The following BCL2L14 variants were observed in gnomAD, a reference collection of about 807,000 sequenced individuals.
The protein encoded by BCL2L14 is BCL2 like 14.
BCL2L14 carries 27 observed loss-of-function variants against 35.3 expected under a neutral mutation model. That is an observed-to-expected ratio of 0.76 (90% CI 0.56 to 1.05). BCL2L14 has a LOEUF of 1.05. BCL2L14 is among the 50% of genes least tolerant of loss of function. The probability of loss-of-function intolerance (pLI) is 0.00; values close to 1 mark genes in which losing one functional copy is unlikely to be tolerated. For synonymous variants in BCL2L14, 139 were observed against 145.9 expected, an observed-to-expected ratio of 0.95 and a Z score of 0.34; for missense variants, 377 against 382.6, an observed-to-expected ratio of 0.99 and a Z score of 0.12.
chr12:12,094,488 A>C, intron 4 of BCL2L14, 176 bp from the exon 5 acceptor site: 3 of 1,586,854 alleles, frequency 1.9e-6, no homozygotes, highest in Non-Finnish European at 2.6e-6. Context: ...ACCGAGCAGT[A>C]CATGCCCATT....
chr12:12,068,116 T>C (rs892308449), upstream of BCL2L14: 7 of 397,958 alleles, frequency 1.8e-5, no homozygotes, highest in African/African-American at 4.1e-5. Flanking sequence ...GCTAACTTTT[T>C]ATTTTTTTGT....
Position 12,087,404 on chromosome 12 carries a change from G to A in BCL2L14, c.607+18G>A, listed in dbSNP as rs777329005. 1 of 1,612,100 alleles carries A rather than the reference G, an allele frequency of 6.2e-7. No individual in the cohort carries two copies. Among genetic ancestry groups the A allele is most frequent in the Non-Finnish European group, 8.5e-7 (1 of 1,178,984 alleles). Reference sequence around the variant, plus strand: ...TAAGAAAGGTAAGCTTTCCTTCCCTGGGTGGAGTGTTTGCCAGGCAGGGGC... The same window carrying A: ...TAAGAAAGGTAAGCTTTCCTTCCCTAGGTGGAGTGTTTGCCAGGCAGGGGC... On this transcript the variant is annotated intron_variant, in intron 3 of 5. Coordinates refer to ENST00000308721, the MANE Select transcript of BCL2L14 (RefSeq NM_138723.2).
At chr12:12,078,885 C>T (rs1469398225) in intron 1 of BCL2L14, among the ~76,000 whole-genome samples, 1 of 152,246 alleles carries the variant, frequency 6.6e-6, no homozygotes, top group Non-Finnish European at 1.5e-5. Context: ...CAACCCCCGA[C>T]TCCTGGGTTC....
intron 2 of BCL2L14, among the ~76,000 whole-genome samples, chr12:12,055,937 G>A (rs1266090801): frequency 6.6e-6 from 1 of 152,046 alleles, no homozygotes; most frequent in African/African-American, 2.4e-5. Context: ...CCTTGGGCAT[G>A]CCCCCACCCC....
intron 1 of BCL2L14, among the ~76,000 whole-genome samples, chr12:12,050,604 T>C (rs923646652): frequency 1.3e-5 from 2 of 150,214 alleles, no homozygotes; most frequent in African/African-American, 4.9e-5. Flanking sequence ...GAACCCAAAT[T>C]GAAAAGGAAC....
At chr12:12,097,824 T>C (rs1041501637) in intron 5 of BCL2L14, among the ~76,000 whole-genome samples, 14 of 151,882 alleles carry the variant, frequency 9.2e-5, no homozygotes, top group African/African-American at 3.4e-4. Flanking sequence ...AAAAAAAAGA[T>C]GAATTATTCA....
intron 1 of BCL2L14, among the ~76,000 whole-genome samples, chr12:12,050,498 C>G (rs974679830): frequency 5.4e-5 from 8 of 148,156 alleles, no homozygotes; most frequent in Non-Finnish European, 1.5e-5. Flanking sequence ...TATGGAAAAC[C>G]AGATCCTAAG....
chr12:12,087,466 G>C, intron 3 of BCL2L14, 80 bp downstream of exon 3: 1 of 1,483,882 alleles, frequency 6.7e-7, no homozygotes, highest in Non-Finnish European at 9.2e-7. Context: ...CCCAGGGCTC[G>C]GCAACTTGAC....
intron 2 of BCL2L14, among the ~76,000 whole-genome samples, chr12:12,057,641 C>A (rs1355987577): frequency 6.6e-6 from 1 of 151,744 alleles, no homozygotes; most frequent in African/African-American, 2.4e-5. Flanking sequence ...CCTGTAATCC[C>A]AGCTACTAGG....
chr12:12,085,315 C>G (rs1183595440), intron 2 of BCL2L14, among the ~76,000 whole-genome samples: 1 of 152,158 alleles, frequency 6.6e-6, no homozygotes, highest in East Asian at 1.9e-4. Context: ...GAAAAGGCAG[C>G]AGAGGCCTGC....
chr12:12,057,856 A>C (rs1948455691), intron 2 of BCL2L14, among the ~76,000 whole-genome samples: 1 of 145,272 alleles, frequency 6.9e-6, no homozygotes, highest in African/African-American at 2.6e-5. Flanking sequence ...ATGGGCCTTA[A>C]AGACAGTGCC....
At chr12:12,073,453 C>T (rs1948710790) in intron 1 of BCL2L14, among the ~76,000 whole-genome samples, 1 of 152,222 alleles carries the variant, frequency 6.6e-6, no homozygotes, top group Admixed American at 6.5e-5. Flanking sequence ...AGTACTCTGT[C>T]TTGACTTCAG....
intron 2 of BCL2L14, among the ~76,000 whole-genome samples, chr12:12,057,755 T>TTAAAAAAAAAAAAAA: frequency 8.3e-6 from 1 of 120,340 alleles, no homozygotes; most frequent in Non-Finnish European, 1.7e-5. Context: ...AAAACTCCAT[T>TTAAAAAAAAAAAAAA]AAAAAAAAAA....
chr12:12,059,944 T>G (rs1948495627), intron 2 of BCL2L14, among the ~76,000 whole-genome samples: 2 of 152,234 alleles, frequency 1.3e-5, no homozygotes, highest in Middle Eastern at 6.8e-3. Context: ...CATCCGTCCC[T>G]CTCTAGTCTC....
At chr12:12,073,571 T>C (rs371439052) in intron 1 of BCL2L14, among the ~76,000 whole-genome samples, 25 of 151,666 alleles carry the variant, frequency 1.6e-4, no homozygotes, top group African/African-American at 5.8e-4. Context: ...CACACACACA[T>C]GCACACGCAC....
chr12:12,083,305 T>A (rs1302932554), intron 2 of BCL2L14, among the ~76,000 whole-genome samples: 1 of 152,170 alleles, frequency 6.6e-6, no homozygotes, highest in South Asian at 2.1e-4. Context: ...TGTAGCCTTG[T>A]ACAGCCACTG....
chr12:12,070,667 ACT>A (rs1454876055), upstream of BCL2L14, among the ~76,000 whole-genome samples: 1 of 150,722 alleles, frequency 6.6e-6, no homozygotes, highest in African/African-American at 2.4e-5. Context: ...ACAGAGTGAA[ACT>A]CTGTCTCAAA....
chr12:12,069,707 C>CA (rs34941963), upstream of BCL2L14, among the ~76,000 whole-genome samples: 1,168 of 117,304 alleles, frequency 1.0e-2, 16 homozygotes, highest in Middle Eastern at 0.015. Flanking sequence ...GACTCCGTCT[C>CA]AAAAAAAAAA....
At chr12:12,081,846 T>C (rs1948932410) in intron 2 of BCL2L14, among the ~76,000 whole-genome samples, 1 of 152,176 alleles carries the variant, frequency 6.6e-6, no homozygotes. Flanking sequence ...TGTGAGCCAC[T>C]GCACCCAGCC....
Sources: allele counts gnomAD v4.1 joint callset (sites outside exome capture counted in the v4.1 genomes callset), GRCh38; gene constraint gnomAD v4.1.1; transcripts MANE v1.5; gene names NCBI Gene and HGNC (gene_info 2026-07-23, HGNC 2026-07-21).